The following VPS53 variants were observed in gnomAD, a reference collection of about 807,000 sequenced individuals.
VPS53 encodes VPS53 subunit of GARP complex, also known as vacuolar protein sorting-associated protein 53 homolog.
A neutral mutation model predicts 107.0 loss-of-function variants in VPS53; 70 were observed. The ratio of observed to expected loss-of-function variants is 0.65; its 90% CI spans 0.54 to 0.80. VPS53 has a LOEUF of 0.80. Among genes scored for constraint, VPS53 ranks in the 30% least tolerant of loss-of-function variants. VPS53 has a pLI of 0.00. For missense variants in VPS53, 917 were observed against 1,049.4 expected (o/e 0.87, Z 1.74); for synonymous variants, 409 against 393.3 (o/e 1.04, Z -0.47).
intron 19 of VPS53, chr17:523,531 T>C (rs2151796127): frequency 6.6e-6 from 1 of 152,336 alleles, no homozygotes; most frequent in Admixed American, 6.5e-5. Flanking sequence ...AAAGAGAAAC[T>C]AAGTAACGAC....
chr17:659,435 G>A (rs1295204625), intron 5 of VPS53, among the ~76,000 whole-genome samples: 1 of 152,032 alleles, frequency 6.6e-6, no homozygotes, highest in Non-Finnish European at 1.5e-5. Flanking sequence ...TGTGCTCCAC[G>A]ACGCCTGGTT....
At chr17:600,237 A>G (rs1048728238) in intron 12 of VPS53, 31 of 152,380 alleles carry the variant, frequency 2.0e-4, no homozygotes, top group African/African-American at 7.0e-4. Context: ...TTTCCTGGCA[A>G]CACTGCAAGC....
chr17:547,600 T>A (rs1408758054), intron 17 of VPS53, among the ~76,000 whole-genome samples: 2 of 152,200 alleles, frequency 1.3e-5, no homozygotes, highest in African/African-American at 4.8e-5. Flanking sequence ...GGTGGTTTCA[T>A]GACATTGTGG....
At chr17:561,779 A>G (rs918629470) in intron 14 of VPS53, among the ~76,000 whole-genome samples, 8 of 152,094 alleles carry the variant, frequency 5.3e-5, no homozygotes, top group Non-Finnish European at 1.0e-4. Context: ...ACAGGCATGC[A>G]CCACCACACC....
At chr17:560,268 C>A (rs566595145) in intron 15 of VPS53, among the ~76,000 whole-genome samples, 158 bp downstream of exon 15, 8 of 152,354 alleles carry the variant, frequency 5.3e-5, no homozygotes, top group African/African-American at 1.9e-4. Flanking sequence ...CCTGGGCAGC[C>A]TTATGGCTGG....
chr17:696,690 T>C (rs969520768), intron 4 of VPS53, among the ~76,000 whole-genome samples: 5 of 152,148 alleles, frequency 3.3e-5, no homozygotes, highest in Non-Finnish European at 5.9e-5. Context: ...CTACACACTT[T>C]TCCCTTCATT....
intron 15 of VPS53, among the ~76,000 whole-genome samples, chr17:555,509 T>C (rs1284955004): frequency 6.6e-6 from 1 of 152,102 alleles, no homozygotes; most frequent in East Asian, 1.9e-4. Context: ...AATTTTTGTA[T>C]TTTTAGTAGA....
At chr17:545,274 A>T (rs1242262655) in intron 17 of VPS53, among the ~76,000 whole-genome samples, 1 of 152,010 alleles carries the variant, frequency 6.6e-6, no homozygotes, top group Non-Finnish European at 1.5e-5. Context: ...CTAGCAAACT[A>T]CCGCTCTGCA....
intron 7 of VPS53, among the ~76,000 whole-genome samples, chr17:646,810 C>T (rs12951311): frequency 0.046 from 4,426 of 95,260 alleles, 52 homozygotes; most frequent in African/African-American, 0.11. Context: ...TCTCCGTGAC[C>T]GCGTGGCCAC....
At chr17:642,721 C>T (rs1434652106) in intron 7 of VPS53, among the ~76,000 whole-genome samples, 8 of 149,836 alleles carry the variant, frequency 5.3e-5, no homozygotes, top group African/African-American at 1.7e-4. Context: ...CAACCGAGGA[C>T]AACACTCATA....
chr17:616,277 A>G (rs1291548312), intron 11 of VPS53: 6 of 152,282 alleles, frequency 3.9e-5, no homozygotes, highest in Non-Finnish European at 8.8e-5. Context: ...AAGGATTTAG[A>G]GAAGTCTGTG....
At chr17:658,468 C>A (rs935250139) in intron 5 of VPS53, among the ~76,000 whole-genome samples, 2 of 141,702 alleles carry the variant, frequency 1.4e-5, no homozygotes, top group African/African-American at 2.7e-5. Flanking sequence ...GAAACTTGGC[C>A]GTGAGTTCGT....
intron 13 of VPS53, among the ~76,000 whole-genome samples, chr17:573,345 G>A (rs1048427851): frequency 7.2e-5 from 11 of 152,242 alleles, no homozygotes; most frequent in African/African-American, 2.4e-4. Flanking sequence ...TGTAAGGACG[G>A]CTTAGCCCAA....
At chr17:541,205 T>C (rs577729678) in intron 17 of VPS53, among the ~76,000 whole-genome samples, 2 of 152,328 alleles carry the variant, frequency 1.3e-5, no homozygotes, top group South Asian at 2.1e-4. Flanking sequence ...CTCACTCTGA[T>C]GCCTGGTGGG....
chr17:520,550 A>T lies in VPS53; in HGVS notation c.2224-620T>A, dbSNP rs1908654800. The stretch of plus-strand genomic sequence containing the variant: ...TATCAATTAACATACAAACAAAGGA[A>T]AGGAACGGCACTGCAACCCTTATTC... On this transcript the variant is annotated intron_variant, in intron 20 of 21. Coordinates refer to ENST00000437048, the MANE Select transcript of VPS53 (RefSeq NM_001128159.3). The surrounding 1 kb of genome is among the most constrained non-coding windows in gnomAD (Gnocchi z 4.4). Among the ~76,000 whole-genome samples the T allele has an allele frequency of 6.6e-6, 1 of 152,220 alleles. No individual in the cohort carries two copies. Among genetic ancestry groups the T allele is most frequent in the South Asian group, 2.1e-4 (1 of 4,826 alleles).
chr17:620,765 C>A (rs1210775390), intron 11 of VPS53, among the ~76,000 whole-genome samples: 1 of 151,696 alleles, frequency 6.6e-6, no homozygotes, highest in East Asian at 1.9e-4. Flanking sequence ...CACCACCACG[C>A]CTGACTAATT....
Position 551,835 on chromosome 17 carries a change from T to C in VPS53, c.1866+37A>G, listed in dbSNP as rs778038879. The C allele has an allele frequency of 3.9e-6, 6 of 1,536,928 alleles. No homozygotes were observed. In the Admixed American group the frequency reaches 9.6e-5, roughly 25 times the overall value. The stretch of plus-strand genomic sequence containing the variant: ...CAGTAGAAGCCACCTTGGGCTGCTC[T>C]CGTTAGTTTGTAGGATGCCATTTCC... On this transcript the variant is annotated intron_variant, in intron 17 of 21. Transcript: ENST00000437048.
chr17:572,238 C>A (rs1914189423), intron 13 of VPS53, among the ~76,000 whole-genome samples: 1 of 149,826 alleles, frequency 6.7e-6, no homozygotes, highest in Admixed American at 6.6e-5. Flanking sequence ...GGCCGCGACC[C>A]CGTCTGGGAG....
intron 7 of VPS53, among the ~76,000 whole-genome samples, chr17:635,593 C>A (rs892099179): frequency 1.3e-5 from 2 of 152,122 alleles, no homozygotes; most frequent in African/African-American, 4.8e-5. Flanking sequence ...AGGAAGGGAT[C>A]CAGTTTCAGC....
Sources: allele counts gnomAD v4.1 joint callset (sites outside exome capture counted in the v4.1 genomes callset), GRCh38; gene constraint gnomAD v4.1.1; non-coding constraint Gnocchi (gnomAD v3.1); transcripts MANE v1.5; gene names NCBI Gene and HGNC (gene_info 2026-07-23, HGNC 2026-07-21).